CLASP1: variants seen among roughly 807,000 people sequenced by gnomAD.
CLASP1 encodes the protein CLIP-associating protein 1.
Under a neutral mutation model 192.3 loss-of-function variants are expected in CLASP1, and 38 were observed. The observed-to-expected ratio is 0.20, with a 90% CI of 0.15 to 0.26. The LOEUF is 0.26. CLASP1 is among the 10% of genes least tolerant of loss of function. CLASP1 has a pLI of 1.00. For synonymous variants in CLASP1, 691 were observed against 712.8 expected, an observed-to-expected ratio of 0.97 and a Z score of 0.49; for missense variants, 1,433 against 1,932.5, an observed-to-expected ratio of 0.74 and a Z score of 4.85.
At chr2:121,361,672 C>G (rs751099333) in intron 37 of CLASP1, among the ~76,000 whole-genome samples, 1 of 152,108 alleles carries the variant, frequency 6.6e-6, no homozygotes, top group Non-Finnish European at 1.5e-5. Context: ...TCCAACGCAG[C>G]CCAGGGAAGC....
At chr2:121,349,882 G>C (rs964262139) in intron 37 of CLASP1, among the ~76,000 whole-genome samples, 4 of 152,142 alleles carry the variant, frequency 2.6e-5, no homozygotes, top group African/African-American at 4.8e-5. Context: ...CCTCGGCCTT[G>C]GGCTCAGGGA....
intron 37 of CLASP1, among the ~76,000 whole-genome samples, chr2:121,350,573 G>A (rs1376733966): frequency 6.6e-6 from 1 of 152,232 alleles, no homozygotes; most frequent in Non-Finnish European, 1.5e-5. Flanking sequence ...ACTGTCCCAT[G>A]AACAGGGCTC....
rs566647141 is a variant in CLASP1 at position 121,523,414 on chromosome 2, CAG to C, written c.546+2429_546+2430del. The stretch of plus-strand genomic sequence containing the variant: ...TAGATCTAAAGGAGAAAAATAGTAT[CAG>C]AGAGTAGCCCAACACAAAAACAGAC... On this transcript the variant is annotated intron_variant, in intron 6 of 39. Coordinates refer to ENST00000263710, the Ensembl canonical transcript of CLASP1. Among the ~76,000 whole-genome samples, 189 of 152,264 alleles carry C rather than the reference CAG, an allele frequency of 1.2e-3. 1 individual carries two copies. Among genetic ancestry groups the C allele is most frequent in the African/African-American group, 4.4e-3 (184 of 41,562 alleles).
intron 4 of CLASP1, 49 bp from the exon 5 acceptor site, chr2:121,527,939 G>C: frequency 1.4e-6 from 2 of 1,471,280 alleles, no homozygotes; most frequent in Non-Finnish European, 1.9e-6. Flanking sequence ...TGCTGCAGCT[G>C]ACACTTTATA....
At chr2:121,345,827 T>C (rs2063381599) in intron 39 of CLASP1, among the ~76,000 whole-genome samples, 1 of 152,242 alleles carries the variant, frequency 6.6e-6, no homozygotes, top group African/African-American at 2.4e-5. Flanking sequence ...AGAGGGCATC[T>C]GGCCAGGTGT....
intron 37 of CLASP1, among the ~76,000 whole-genome samples, chr2:121,356,622 T>A (rs1244659119): frequency 6.6e-6 from 1 of 152,240 alleles, no homozygotes; most frequent in Non-Finnish European, 1.5e-5. Flanking sequence ...TAAAAGTATT[T>A]CAGATTATAA....
chr2:121,371,048 G>A (rs1419732619), intron 34 of CLASP1, among the ~76,000 whole-genome samples: 1 of 151,860 alleles, frequency 6.6e-6, no homozygotes, highest in East Asian at 1.9e-4. Context: ...TCTTACAAAA[G>A]CAATACTCCA....
Position 121,473,727 on chromosome 2 carries a change from T to A in CLASP1, c.713-3767A>T, listed in dbSNP as rs115643015. Among the ~76,000 whole-genome samples, 20 of 152,020 alleles carry A rather than the reference T, an allele frequency of 1.3e-4. No homozygotes were observed. The East Asian group carries it at 3.1e-3, about 24-fold the overall frequency. On this transcript the variant is annotated intron_variant, in intron 8 of 39. Transcript: ENST00000263710. ...ACAAGAGCAGCCAGGGGAAGAGACA[T>A]AGCACACAGAAGAACAAGCATAAAA...
intron 8 of CLASP1, among the ~76,000 whole-genome samples, chr2:121,478,895 A>ACAAAC (rs2092229082): frequency 8.1e-5 from 5 of 61,802 alleles, no homozygotes; most frequent in African/African-American, 3.6e-4. Flanking sequence ...CACCACACAC[A>ACAAAC]CACACCACAC....
intron 19 of CLASP1, among the ~76,000 whole-genome samples, chr2:121,432,575 G>A (rs945466858): frequency 1.3e-5 from 2 of 152,062 alleles, no homozygotes; most frequent in African/African-American, 4.8e-5. Flanking sequence ...TGGGTTAAGG[G>A]GAAAAGCTTT....
At chr2:121,413,587 G>A (rs2078080359) in intron 23 of CLASP1, among the ~76,000 whole-genome samples, 1 of 152,170 alleles carries the variant, frequency 6.6e-6, no homozygotes, top group Admixed American at 6.5e-5. Context: ...GGATACCTCT[G>A]GCCTGACTTG....
At chr2:121,558,051 G>C (rs1383438593) in intron 2 of CLASP1, among the ~76,000 whole-genome samples, 1 of 149,922 alleles carries the variant, frequency 6.7e-6, no homozygotes, top group East Asian at 2.0e-4. Context: ...CTGCACTCCA[G>C]CCTGGGTGAC....
In CLASP1 at chr2:121,342,067, C is replaced by T. The variant is rs539536041; in HGVS notation, c.4531-1120G>A. ...AAAATTGAGTTAACATATTCTTAAA[C>T]AACCAATGAGTAAAGAAGAGATCAT... On this transcript the variant is annotated intron_variant, in intron 39 of 39. Transcript: ENST00000263710. Among the ~76,000 whole-genome samples, 658 of 151,848 alleles carry T rather than the reference C, an allele frequency of 4.3e-3. 4 individuals are homozygous for T. Among genetic ancestry groups the T allele is most frequent in the African/African-American group, 0.014 (575 of 41,420 alleles).
At chr2:121,381,452 A>G (rs1343726592) in intron 33 of CLASP1, among the ~76,000 whole-genome samples, 1 of 152,208 alleles carries the variant, frequency 6.6e-6, no homozygotes, top group African/African-American at 2.4e-5. Context: ...TATAAAAAGC[A>G]TCCCCAAGAG....
chr2:121,340,989 A>C lies in CLASP1; in HGVS notation c.4531-42T>G, dbSNP rs755925149. ...AAACTGAATTAGCAGGAAGAAAAGC[A>C]ATCAGAAAGTAGAAAACAGCAAAAA... On this transcript the variant is annotated intron_variant, in intron 39 of 39. Transcript: ENST00000263710. 25 of 1,362,738 alleles carry C rather than the reference A, an allele frequency of 1.8e-5. No individual in the cohort carries two copies. In the Admixed American group the frequency reaches 4.7e-4, roughly 25 times the overall value. 84.4% of individuals were successfully genotyped at this position (1,362,738 alleles called of 1,614,324 possible). A position where few individuals can be genotyped will look rare whatever the true frequency, so the allele number is the denominator to read the frequency against.
chr2:121,528,039 A>G, intron 4 of CLASP1, 149 bp from the exon 5 acceptor site: 1 of 596,496 alleles, frequency 1.7e-6, no homozygotes, highest in Non-Finnish European at 3.0e-6. Flanking sequence ...GCATACTGGA[A>G]AATGATGACA....
At chr2:121,362,962 T>C (rs548485147) in intron 37 of CLASP1, among the ~76,000 whole-genome samples, 21 of 152,282 alleles carry the variant, frequency 1.4e-4, no homozygotes, top group Non-Finnish European at 2.8e-4. Context: ...GAGCAGGAGC[T>C]AGGAACTGAA....
chr2:121,556,162 T>G (rs2058552316), intron 2 of CLASP1, among the ~76,000 whole-genome samples: 1 of 151,998 alleles, frequency 6.6e-6, no homozygotes, highest in Non-Finnish European at 1.5e-5. Flanking sequence ...TTTCGTATTT[T>G]TTGTATAAAG....
intron 8 of CLASP1, among the ~76,000 whole-genome samples, chr2:121,473,091 A>T (rs2091042252): frequency 6.6e-6 from 1 of 152,218 alleles, no homozygotes; most frequent in African/African-American, 2.4e-5. Flanking sequence ...TTAAAAAAAA[A>T]TTTCCTAAAC....
Sources: gnomAD v4.1 joint callset for allele counts (sites outside exome capture counted in the v4.1 genomes callset) on GRCh38, gnomAD v4.1.1 for gene constraint, MANE v1.5 for transcripts, NCBI Gene and HGNC (gene_info 2026-07-23, HGNC 2026-07-21) for gene names.